The following EIPR1 variants were observed in gnomAD, a reference collection of about 807,000 sequenced individuals.
EIPR1 encodes the protein EARP and GARP complex-interacting protein 1.
In EIPR1, 25 loss-of-function variants were observed where a neutral mutation model predicts 48.1. The ratio of observed to expected loss-of-function variants is 0.52; its 90% CI spans 0.38 to 0.73. EIPR1 has a LOEUF of 0.73. Ranked by LOEUF, EIPR1 falls within the 30% of genes least tolerant of loss-of-function variation. The pLI is 0.00. For missense variants in EIPR1, 415 were observed against 506.2 expected (o/e 0.82, Z 1.73); for synonymous variants, 204 against 201.9 (o/e 1.01, Z -0.09).
chr2:3,304,888 T>C (rs1413422097), intron 3 of EIPR1, among the ~76,000 whole-genome samples: 10 of 144,508 alleles, frequency 6.9e-5, no homozygotes, highest in East Asian at 2.2e-4. Context: ...TCCATTCCCG[T>C]CCAGTTCAAC....
At chr2:3,210,635 T>A (rs1201400331) in intron 5 of EIPR1, among the ~76,000 whole-genome samples, 1 of 143,256 alleles carries the variant, frequency 7.0e-6, no homozygotes, top group East Asian at 2.0e-4. Flanking sequence ...TTCTTTTTTT[T>A]TTTTTTTTTT....
chr2:3,222,266 A>G lies in EIPR1; in HGVS notation c.417-8018T>C, dbSNP rs868144295. 5.9e-5 allele frequency among the ~76,000 whole-genome samples: 9 copies of G among 152,308 alleles called. No homozygotes were observed. The South Asian group carries it at 1.9e-3, about 32-fold the overall frequency. On this transcript the variant is annotated intron_variant, in intron 4 of 8. Transcript: ENST00000382125. ...TAAAATAAGTGGGGGAGAGGACTGT[A>G]TTTCCTGCAGGAAATCGTGGTGTGC... is the stretch of plus-strand genomic sequence containing the variant.
At chr2:3,204,817 C>T (rs1665172098) in intron 5 of EIPR1, among the ~76,000 whole-genome samples, 1 of 152,206 alleles carries the variant, frequency 6.6e-6, no homozygotes, top group Admixed American at 6.5e-5. Context: ...CTACAGAGAA[C>T]ACAGCACTGC....
At chr2:3,265,005 T>C (rs1667443997) in intron 3 of EIPR1, among the ~76,000 whole-genome samples, 1 of 152,204 alleles carries the variant, frequency 6.6e-6, no homozygotes, top group Non-Finnish European at 1.5e-5. Context: ...TTTCTAAAAA[T>C]TGGTAACTAA....
intron 2 of EIPR1, among the ~76,000 whole-genome samples, chr2:3,340,822 C>T (rs971398730): frequency 1.3e-5 from 2 of 152,044 alleles, no homozygotes; most frequent in Non-Finnish European, 2.9e-5. Context: ...GTAGGCCAGG[C>T]GCGGTGGCTG....
chr2:3,349,720 A>G (rs1670513131), intron 2 of EIPR1, among the ~76,000 whole-genome samples: 2 of 152,168 alleles, frequency 1.3e-5, no homozygotes, highest in African/African-American at 4.8e-5. Flanking sequence ...GCATGCTGGG[A>G]GATGGGGACA....
intron 3 of EIPR1, among the ~76,000 whole-genome samples, chr2:3,314,043 G>T (rs538264238): frequency 1.3e-5 from 2 of 152,274 alleles, no homozygotes; most frequent in South Asian, 4.1e-4. Flanking sequence ...CTAGCTCCCC[G>T]GAGAGCACCA....
In EIPR1 at chr2:3,338,085, G is replaced by A. The variant is rs768773178; in HGVS notation, c.191C>T (p.Ala64Val). The change falls in exon 3 of 9, where the codon GCG becomes GTG. Residue 64 changes from alanine (A) to valine (V), a missense_variant. Physicochemically the swap from Ala to Val is moderately conservative, Grantham distance 64. Transcript: ENST00000382125. Reference protein sequence around the residue: ...IINKNVLLHQAGEIWHISASP... With the variant: ...IINKNVLLHQVGEIWHISASP... The stretch of plus-strand genomic sequence containing the variant: ...AGCGCTAATATGCCAGATTTCACCC[G>A]CTTGATGGAGGAGGACATTTTTATT... The A allele has an allele frequency of 6.2e-6, 10 of 1,612,948 alleles. No individual in the cohort carries two copies. Among genetic ancestry groups the A allele is most frequent in the South Asian group, 1.1e-5 (1 of 90,760 alleles).
chr2:3,356,636 G>A (rs1670736225), intron 1 of EIPR1, among the ~76,000 whole-genome samples: 1 of 152,158 alleles, frequency 6.6e-6, no homozygotes, highest in South Asian at 2.1e-4. Flanking sequence ...CGCGGTAAAG[G>A]GACTCTGCTG....
chr2:3,341,822 G>T (rs1353086049), intron 2 of EIPR1, among the ~76,000 whole-genome samples: 1 of 152,102 alleles, frequency 6.6e-6, no homozygotes, highest in Non-Finnish European at 1.5e-5. Context: ...TTGGATGCAT[G>T]TTAAGTTATA....
chr2:3,234,228 A>G (rs1330045012), intron 4 of EIPR1, among the ~76,000 whole-genome samples: 1 of 152,174 alleles, frequency 6.6e-6, no homozygotes, highest in Admixed American at 6.5e-5. Context: ...TTTTACCAAT[A>G]AATTGTGGTT....
At chr2:3,288,068 A>G (rs1668261033) in intron 3 of EIPR1, among the ~76,000 whole-genome samples, 1 of 152,180 alleles carries the variant, frequency 6.6e-6, no homozygotes, top group African/African-American at 2.4e-5. Flanking sequence ...AGGTTGTCGC[A>G]GGGTGCATCC....
intron 3 of EIPR1, chr2:3,319,281 T>C (rs1238843192): frequency 3.5e-6 from 1 of 289,034 alleles, no homozygotes; most frequent in Non-Finnish European, 6.9e-6. Flanking sequence ...AAGTGCGCTG[T>C]GTGCTCCTAA....
chr2:3,308,798 C>T (rs1669032459), intron 3 of EIPR1, among the ~76,000 whole-genome samples: 1 of 152,174 alleles, frequency 6.6e-6, no homozygotes, highest in South Asian at 2.1e-4. Flanking sequence ...CAAGTTCTCA[C>T]CCGAAACCAG....
intron 3 of EIPR1, among the ~76,000 whole-genome samples, chr2:3,288,505 T>G (rs1487256022): frequency 1.3e-5 from 2 of 152,160 alleles, no homozygotes; most frequent in African/African-American, 4.8e-5. Context: ...AAAAGACAGT[T>G]ATTAATGATG....
chr2:3,314,060 G>C (rs1669210211), intron 3 of EIPR1, among the ~76,000 whole-genome samples: 1 of 152,136 alleles, frequency 6.6e-6, no homozygotes, highest in African/African-American at 2.4e-5. Context: ...ACCACCCGGG[G>C]AGCAACATCG....
chr2:3,227,033 G>A (rs545979913), intron 4 of EIPR1, among the ~76,000 whole-genome samples: 2 of 152,300 alleles, frequency 1.3e-5, no homozygotes, highest in South Asian at 4.2e-4. Context: ...TTAGCAGCAT[G>A]AAAACAGACA....
chr2:3,373,824 A>G lies in EIPR1; in HGVS notation c.42+3824T>C, dbSNP rs1220292649. 1.3e-4 allele frequency among the ~76,000 whole-genome samples: 19 copies of G among 151,832 alleles called. No homozygotes were observed. The South Asian group carries it at 2.5e-3, about 20-fold the overall frequency. ...CTGCCCAAGGTAATTTATAGATTCA[A>G]TGCCATCCCCATCAAGCTACCAATG... On this transcript the variant is annotated intron_variant, in intron 1 of 8. Transcript: ENST00000382125.
At chr2:3,294,591 A>G (rs1237211848) in intron 3 of EIPR1, among the ~76,000 whole-genome samples, 4 of 107,328 alleles carry the variant, frequency 3.7e-5, no homozygotes, top group Non-Finnish European at 7.5e-5. Context: ...GCACACATAC[A>G]CCCTCCATCC....
Sources: allele counts gnomAD v4.1 joint callset (sites outside exome capture counted in the v4.1 genomes callset), GRCh38; gene constraint gnomAD v4.1.1; transcripts MANE v1.5; gene names NCBI Gene and HGNC (gene_info 2026-07-23, HGNC 2026-07-21).